CNTNAP2: variants seen among roughly 807,000 people sequenced by gnomAD.
CNTNAP2 encodes contactin-associated protein-like 2.
In CNTNAP2, 98 loss-of-function variants were observed where a neutral mutation model predicts 155.2. That is an observed-to-expected ratio of 0.63 (90% confidence interval 0.54 to 0.75). The LOEUF is 0.75. Ranked by LOEUF, CNTNAP2 falls within the 30% of genes least tolerant of loss-of-function variation. The pLI is 0.00. For missense variants in CNTNAP2, 1,727 were observed against 1,688.1 expected, an observed-to-expected ratio of 1.02 and a Z score of -0.40; for synonymous variants, 651 against 631.2, an observed-to-expected ratio of 1.03 and a Z score of -0.47.
At chr7:146,518,910 A>G (rs905427532) in intron 1 of CNTNAP2, among the ~76,000 whole-genome samples, 1 of 151,926 alleles carries the variant, frequency 6.6e-6, no homozygotes, top group Non-Finnish European at 1.5e-5. Flanking sequence ...TGATTTTTGC[A>G]TGCTGTTCCT....
chr7:147,666,306 T>C lies in CNTNAP2; in HGVS notation c.2098+27000T>C, dbSNP rs140410770. Among the ~76,000 whole-genome samples the C allele has an allele frequency of 7.0e-4, 107 of 152,294 alleles. 1 individual carries two copies. Among genetic ancestry groups the C allele is most frequent in the African/African-American group, 2.4e-3 (101 of 41,564 alleles). On this transcript the variant is annotated intron_variant, in intron 13 of 23. Coordinates refer to ENST00000361727, the MANE Select transcript of CNTNAP2 (RefSeq NM_014141.6). Reference sequence around the variant, plus strand: ...CAACTACAAGGCACACGTGTGACGGTGGTCTCAGGAGACTACAATGGAACT... The same window carrying C: ...CAACTACAAGGCACACGTGTGACGGCGGTCTCAGGAGACTACAATGGAACT...
intron 1 of CNTNAP2, among the ~76,000 whole-genome samples, chr7:146,602,503 A>G (rs2129152050): frequency 6.6e-6 from 1 of 152,312 alleles, no homozygotes; most frequent in East Asian, 1.9e-4. Flanking sequence ...CCATTTCCAC[A>G]AAGAATGTTT....
chr7:146,376,333 C>G (rs1795303527), intron 1 of CNTNAP2, among the ~76,000 whole-genome samples: 1 of 152,012 alleles, frequency 6.6e-6, no homozygotes, highest in Non-Finnish European at 1.5e-5. Context: ...CTATTCGTTA[C>G]CTTTGTTCTT....
intron 1 of CNTNAP2, among the ~76,000 whole-genome samples, chr7:146,280,759 G>A (rs1800238589): frequency 6.6e-6 from 1 of 152,110 alleles, no homozygotes; most frequent in African/African-American, 2.4e-5. Context: ...TTGTTTGGAG[G>A]CCCAGCCAGC....
chr7:148,007,777 C>G (rs1038615071), intron 15 of CNTNAP2, among the ~76,000 whole-genome samples: 7 of 152,010 alleles, frequency 4.6e-5, no homozygotes, highest in Admixed American at 1.3e-4. Flanking sequence ...ATTTTTCAAC[C>G]CTGGATTTAC....
At chr7:148,095,202 G>A (rs773687763) in intron 15 of CNTNAP2, among the ~76,000 whole-genome samples, 2 of 152,120 alleles carry the variant, frequency 1.3e-5, no homozygotes, top group Non-Finnish European at 2.9e-5. Context: ...GCCTCCTAGT[G>A]TAACCCTGCA....
At chr7:148,114,608 A>T (rs184479070) in intron 15 of CNTNAP2, among the ~76,000 whole-genome samples, 263 of 152,332 alleles carry the variant, frequency 1.7e-3, no homozygotes, top group African/African-American at 6.0e-3. Context: ...TAATAAAAAA[A>T]TCCCAGAGAT....
intron 1 of CNTNAP2, among the ~76,000 whole-genome samples, chr7:146,299,757 A>G (rs1800575357): frequency 6.6e-6 from 1 of 152,058 alleles, no homozygotes; most frequent in African/African-American, 2.4e-5. Flanking sequence ...ACTTATGTGA[A>G]ACCTTCAGGA....
At chr7:147,512,923 C>A (rs956778772) in intron 11 of CNTNAP2, among the ~76,000 whole-genome samples, 1 of 151,858 alleles carries the variant, frequency 6.6e-6, no homozygotes, top group African/African-American at 2.4e-5. Flanking sequence ...AGTTAGCAAG[C>A]AGAGCTATGT....
At chr7:147,668,408 T>C (rs1171225412) in intron 13 of CNTNAP2, among the ~76,000 whole-genome samples, 1 of 152,174 alleles carries the variant, frequency 6.6e-6, no homozygotes, top group East Asian at 1.9e-4. Context: ...AAAAAGAGCC[T>C]TAAGCAGGTC....
chr7:146,759,711 A>AAAAAGG (rs1309834469), intron 1 of CNTNAP2, among the ~76,000 whole-genome samples: 7 of 60,730 alleles, frequency 1.2e-4, no homozygotes, highest in Admixed American at 4.2e-4. Context: ...AAAAAAAAAA[A>AAAAAGG]GGTGGGTGGG....
chr7:147,795,594 CA>C (rs140430467), intron 13 of CNTNAP2, among the ~76,000 whole-genome samples: 6,734 of 152,126 alleles, frequency 0.044, 192 homozygotes, highest in Non-Finnish European at 0.058. Flanking sequence ...TCTTCAAGGG[CA>C]AATATTTCAT....
At chr7:147,432,047 C>G (rs772710609) in intron 10 of CNTNAP2, among the ~76,000 whole-genome samples, 5 of 152,188 alleles carry the variant, frequency 3.3e-5, no homozygotes, top group Non-Finnish European at 7.3e-5. Flanking sequence ...GACCTGCGCC[C>G]CTTGTTTTCT....
At chr7:146,954,496 G>A (rs977509746) in intron 3 of CNTNAP2, among the ~76,000 whole-genome samples, 1 of 151,890 alleles carries the variant, frequency 6.6e-6, no homozygotes, top group African/African-American at 2.4e-5. Context: ...TCTTACTTCT[G>A]GAAAAGAATT....
intron 2 of CNTNAP2, among the ~76,000 whole-genome samples, chr7:146,798,637 G>A (rs1198337935): frequency 3.3e-5 from 5 of 152,102 alleles, no homozygotes; most frequent in African/African-American, 4.8e-5. Flanking sequence ...GAGCCACTGT[G>A]CCTGGCCCAT....
chr7:146,153,900 C>A (rs1290324311), intron 1 of CNTNAP2, among the ~76,000 whole-genome samples: 3 of 152,090 alleles, frequency 2.0e-5, no homozygotes, highest in Non-Finnish European at 4.4e-5. Context: ...GATTATTAAA[C>A]TTCCAGTTTT....
intron 1 of CNTNAP2, among the ~76,000 whole-genome samples, chr7:146,382,736 A>T (rs967739010): frequency 6.6e-6 from 1 of 152,204 alleles, no homozygotes; most frequent in African/African-American, 2.4e-5. Context: ...CTGCTTAAAC[A>T]AATAAAGTTA....
At chr7:147,978,312 G>C in intron 15 of CNTNAP2, 1 of 365,356 alleles carries the variant, frequency 2.7e-6, no homozygotes, top group South Asian at 2.4e-5. Context: ...TCCACGGAGT[G>C]CTGCTGTTAA....
At chr7:146,580,573 C>G (rs1236100419) in intron 1 of CNTNAP2, among the ~76,000 whole-genome samples, 1 of 151,908 alleles carries the variant, frequency 6.6e-6, no homozygotes, top group Non-Finnish European at 1.5e-5. Flanking sequence ...GAGCTCAAAG[C>G]CCAAACTATT....
Sources: gnomAD v4.1 joint callset for allele counts (sites outside exome capture counted in the v4.1 genomes callset) on GRCh38, gnomAD v4.1.1 for gene constraint, MANE v1.5 for transcripts, NCBI Gene and HGNC (gene_info 2026-07-23, HGNC 2026-07-21) for gene names.